The following CLDN10 variants were observed in gnomAD, a reference collection of about 807,000 sequenced individuals.
CLDN10 encodes claudin 10, also known as claudin-10.
A neutral mutation model predicts 22.9 loss-of-function variants in CLDN10; 15 were observed. That is an observed-to-expected ratio of 0.65 (90% CI 0.44 to 1.01). CLDN10 has a LOEUF of 1.01. Ranked by LOEUF, CLDN10 falls within the 50% of genes least tolerant of loss-of-function variation. CLDN10 has a pLI of 0.00. For synonymous variants in CLDN10, 114 were observed against 111.4 expected (o/e 1.02, Z -0.15); for missense variants, 247 against 287.8 (o/e 0.86, Z 1.03).
intron 1 of CLDN10, among the ~76,000 whole-genome samples, chr13:95,521,105 AC>A (rs141833152): frequency 0.4 from 60,874 of 152,006 alleles, 12,571 homozygotes; most frequent in African/African-American, 0.49. Flanking sequence ...GATTTTGTAT[AC>A]ATACAATCAT....
At chr13:95,450,888 C>T (rs1189248975) in intron 1 of CLDN10, among the ~76,000 whole-genome samples, 1 of 152,220 alleles carries the variant, frequency 6.6e-6, no homozygotes, top group Non-Finnish European at 1.5e-5. Context: ...GCAGAGCTTC[C>T]TCCAGTTCCT....
In CLDN10 at chr13:95,569,979, A is replaced by C. The variant is rs1427693982; in HGVS notation, c.465-7252A>C. Among the ~76,000 whole-genome samples, 5 of 152,312 alleles carry C rather than the reference A, an allele frequency of 3.3e-5. No homozygotes were observed. The South Asian group carries it at 6.2e-4, about 19-fold the overall frequency. On this transcript the variant is annotated intron_variant, in intron 3 of 4. Transcript: ENST00000299339. The stretch of plus-strand genomic sequence containing the variant: ...GAGACGGGGTTTCACCGTGTTAGCC[A>C]GGATGGTCTCGATCTCCTAATGTCA...
At chr13:95,512,666 G>C (rs1294581152) in intron 1 of CLDN10, among the ~76,000 whole-genome samples, 2 of 152,160 alleles carry the variant, frequency 1.3e-5, no homozygotes, top group Admixed American at 1.3e-4. Context: ...ACCTGGTACT[G>C]TCTCCTCTCT....
At chr13:95,527,584 A>G (rs1481735226) in intron 1 of CLDN10, among the ~76,000 whole-genome samples, 1 of 152,074 alleles carries the variant, frequency 6.6e-6, no homozygotes, top group Non-Finnish European at 1.5e-5. Context: ...AAAAATACAA[A>G]AATTAGCTGG....
At chr13:95,466,252 T>G (rs908152095) in intron 1 of CLDN10, among the ~76,000 whole-genome samples, 1 of 152,112 alleles carries the variant, frequency 6.6e-6, no homozygotes, top group Non-Finnish European at 1.5e-5. Context: ...GATATTAGTC[T>G]GTAGTTTTCT....
At chr13:95,570,643 T>C (rs2043841703) in intron 3 of CLDN10, among the ~76,000 whole-genome samples, 1 of 151,886 alleles carries the variant, frequency 6.6e-6, no homozygotes, top group Admixed American at 6.6e-5. Flanking sequence ...TCCTGGCCCT[T>C]ACTCTACTGT....
chr13:95,488,594 A>G (rs192845541), intron 1 of CLDN10, among the ~76,000 whole-genome samples: 45 of 152,156 alleles, frequency 3.0e-4, no homozygotes, highest in Non-Finnish European at 5.6e-4. Flanking sequence ...TAGCTCCCAC[A>G]TATCAGTGAG....
intron 1 of CLDN10, among the ~76,000 whole-genome samples, chr13:95,460,932 A>G (rs190814041): frequency 6.6e-6 from 1 of 152,196 alleles, no homozygotes; most frequent in Admixed American, 6.5e-5. Context: ...AACATGGTGA[A>G]ACCCCATCTC....
chr13:95,480,227 C>T (rs1390120802), intron 1 of CLDN10, among the ~76,000 whole-genome samples: 5 of 152,168 alleles, frequency 3.3e-5, no homozygotes, highest in Non-Finnish European at 7.3e-5. Context: ...GGGTCCCTCC[C>T]ACGACACATG....
chr13:95,442,655 C>T (rs561175890), intron 1 of CLDN10, among the ~76,000 whole-genome samples: 3 of 152,244 alleles, frequency 2.0e-5, no homozygotes, highest in Non-Finnish European at 2.9e-5. Context: ...TTTGGTATGC[C>T]GGGCAGCCAA....
intron 1 of CLDN10, among the ~76,000 whole-genome samples, chr13:95,512,141 T>TTTTG (rs1234938515): frequency 1.2e-3 from 148 of 124,150 alleles, no homozygotes; most frequent in Non-Finnish European, 1.4e-3. Context: ...GGTTTTTGTT[T>TTTTG]GTTTGTGTTC....
intron 1 of CLDN10, among the ~76,000 whole-genome samples, chr13:95,511,997 C>T (rs1472745872): frequency 2.3e-5 from 3 of 130,656 alleles, no homozygotes; most frequent in Admixed American, 8.1e-5. Context: ...TATCCCCCCC[C>T]TCTCCCCCCA....
intron 1 of CLDN10, among the ~76,000 whole-genome samples, chr13:95,462,857 T>C (rs1390405043): frequency 6.6e-6 from 1 of 152,202 alleles, no homozygotes; most frequent in Non-Finnish European, 1.5e-5. Context: ...ATAATTCCAC[T>C]ACTAACAGTC....
At chr13:95,451,992 G>A (rs1220774004) in intron 1 of CLDN10, among the ~76,000 whole-genome samples, 2 of 152,178 alleles carry the variant, frequency 1.3e-5, no homozygotes, top group African/African-American at 4.8e-5. Flanking sequence ...CACATCTCTT[G>A]CTCTTAGCGG....
intron 1 of CLDN10, among the ~76,000 whole-genome samples, chr13:95,536,809 AGTT>A (rs1254541678): frequency 2.7e-5 from 4 of 149,326 alleles, no homozygotes; most frequent in Non-Finnish European, 6.0e-5. Flanking sequence ...TTTAAAAAAA[AGTT>A]CATATTGAAA....
intron 1 of CLDN10, among the ~76,000 whole-genome samples, chr13:95,476,013 G>T (rs75157929): frequency 0.088 from 13,456 of 152,088 alleles, 862 homozygotes; most frequent in South Asian, 0.22. Context: ...CACCCCCATC[G>T]CCCAGATTGC....
At chr13:95,570,585 G>A (rs921498175) in intron 3 of CLDN10, among the ~76,000 whole-genome samples, 6 of 152,022 alleles carry the variant, frequency 3.9e-5, no homozygotes, top group Admixed American at 1.3e-4. Context: ...GAGGAGAAGG[G>A]TGAGGTTTTG....
chr13:95,481,071 T>G (rs887317789), intron 1 of CLDN10, among the ~76,000 whole-genome samples: 1 of 152,140 alleles, frequency 6.6e-6, no homozygotes, highest in African/African-American at 2.4e-5. Flanking sequence ...CCGTCCACCC[T>G]GTAACAGCTG....
intron 1 of CLDN10, among the ~76,000 whole-genome samples, chr13:95,511,572 G>C (rs2043098890): frequency 6.6e-6 from 1 of 151,648 alleles, no homozygotes; most frequent in African/African-American, 2.4e-5. Flanking sequence ...TGGTGTTTCA[G>C]ACCTAGGCCA....
Sources: allele counts gnomAD v4.1 joint callset (sites outside exome capture counted in the v4.1 genomes callset), GRCh38; gene constraint gnomAD v4.1.1; transcripts MANE v1.5; gene names NCBI Gene and HGNC (gene_info 2026-07-23, HGNC 2026-07-21).